SYNE1: variants seen among roughly 807,000 people sequenced by gnomAD.
SYNE1 encodes nesprin-1.
SYNE1 carries 616 observed loss-of-function variants against 1,111.0 expected under a neutral mutation model. That is an observed-to-expected ratio of 0.55 (90% CI 0.52 to 0.59). The LOEUF is 0.59. Ranked by LOEUF, SYNE1 falls within the 20% of genes least tolerant of loss-of-function variation. The pLI is 0.00. For synonymous variants in SYNE1, 3,855 were observed against 3,825.8 expected (o/e 1.01, Z -0.28); for missense variants, 10,006 against 10,417.0 (o/e 0.96, Z 1.72).
chr6:152,274,266 T>C (rs572042290), intron 98 of SYNE1, among the ~76,000 whole-genome samples: 7 of 152,352 alleles, frequency 4.6e-5, no homozygotes, highest in Admixed American at 4.6e-4. Flanking sequence ...TGAAAAGTTA[T>C]ATTTTTTATT....
At position 152,367,273 on chromosome 6, in the gene SYNE1, T is replaced by C. The variant is rs1297505166; in HGVS notation, c.9917A>G (p.Tyr3306Cys). Residue 3306 changes from tyrosine (Y) to cysteine (C), a missense_variant, in exon 62 of 146, where the codon TAC becomes TGC. By Grantham distance (194) the Tyr-to-Cys change is radical. Coordinates refer to ENST00000367255, the MANE Select transcript of SYNE1 (RefSeq NM_182961.4). ...ACTTTTGTCGGATGTCGGGTGGCAGTATGAATCCAGCATGTGAATCGCATC... is the reference window on the plus strand; with the variant it reads ...ACTTTTGTCGGATGTCGGGTGGCAGCATGAATCCAGCATGTGAATCGCATC... ...MTDAIHMLDS[Y>C]CHPTSDKSVL... The C allele has an allele frequency of 2.5e-6, 4 of 1,614,132 alleles. No homozygotes were observed. In the African/African-American group the frequency reaches 4.0e-5, roughly 16 times the overall value.
intron 64 of SYNE1, among the ~76,000 whole-genome samples, chr6:152,360,667 C>T (rs1181268606): frequency 6.6e-6 from 1 of 152,174 alleles, no homozygotes; most frequent in Non-Finnish European, 1.5e-5. Flanking sequence ...ACAGTCCCTA[C>T]ATGTAGCAAT....
At chr6:152,139,707 A>AAAG (rs1554400375) in intron 140 of SYNE1, among the ~76,000 whole-genome samples, 1 of 74,140 alleles carries the variant, frequency 1.3e-5, no homozygotes, top group Non-Finnish European at 2.5e-5. Flanking sequence ...AGAGAAAAAG[A>AAAG]AAAGAAAGAA....
At chr6:152,249,030 T>C in intron 105 of SYNE1, 131 bp downstream of exon 105, 1 of 712,256 alleles carries the variant, frequency 1.4e-6, no homozygotes, top group South Asian at 1.5e-5. Flanking sequence ...AACCCAGTAC[T>C]CAAAAACAAA....
intron 24 of SYNE1, 59 bp from the exon 25 acceptor site, chr6:152,453,779 C>A (rs2098671300): frequency 6.2e-7 from 1 of 1,609,812 alleles, no homozygotes; most frequent in African/African-American, 1.3e-5. Context: ...CAGCACCAGG[C>A]ACAATCAGCC....
In SYNE1 at chr6:152,334,012, C is replaced by T. The variant is rs745331052; in HGVS notation, c.12790G>A (p.Ala4264Thr). ...CCATGGGAGAATTTCTGTTACCTGGCCAAGTTATCCCATTCTGTAGTAAAT... is the reference window on the plus strand; with the variant it reads ...CCATGGGAGAATTTCTGTTACCTGGTCAAGTTATCCCATTCTGTAGTAAAT... ...EKFTTEWDNL[A>T]RSDAESTAVH... is the part of the protein sequence containing the mutation. Residue 4264 changes from alanine to threonine, a missense_variant, in exon 77 of 146, where the codon GCC becomes ACC. Ala to Thr is a moderately conservative substitution (Grantham distance 58). Transcript: ENST00000367255. 3.1e-6 allele frequency: 5 copies of T among 1,613,994 alleles called. No homozygotes were observed. Among genetic ancestry groups the T allele is most frequent in the East Asian group, 2.2e-5 (1 of 44,886 alleles).
At chr6:152,346,910 T>C in intron 73 of SYNE1, 149 bp downstream of exon 73, 1 of 867,414 alleles carries the variant, frequency 1.2e-6, no homozygotes, top group East Asian at 2.7e-5. Context: ...ACATAGCAAC[T>C]GTGAAATTTA....
chr6:152,348,916 A>G (rs947081460), intron 72 of SYNE1, among the ~76,000 whole-genome samples: 3 of 152,278 alleles, frequency 2.0e-5, no homozygotes, highest in African/African-American at 7.2e-5. Flanking sequence ...AGTTGAAAAG[A>G]ACCACTCTGT....
At chr6:152,401,433 A>G in intron 46 of SYNE1, 92 bp from the exon 47 acceptor site, 1 of 1,269,830 alleles carries the variant, frequency 7.9e-7, no homozygotes, top group Non-Finnish European at 1.1e-6. Flanking sequence ...TTAATTGTCA[A>G]AGCCACACAA....
intron 6 of SYNE1, among the ~76,000 whole-genome samples, chr6:152,515,946 C>T (rs2099109421): frequency 6.6e-6 from 1 of 151,992 alleles, no homozygotes; most frequent in Non-Finnish European, 1.5e-5. Flanking sequence ...TTCATTATTC[C>T]CTAAGTCAAA....
At chr6:152,384,115 T>C (rs1260729285) in intron 55 of SYNE1, among the ~76,000 whole-genome samples, 1 of 152,218 alleles carries the variant, frequency 6.6e-6, no homozygotes, top group Non-Finnish European at 1.5e-5. Context: ...AAAACAACTT[T>C]ATCAGACAGG....
chr6:152,479,586 G>A (rs1421712229), intron 14 of SYNE1, among the ~76,000 whole-genome samples: 2 of 151,980 alleles, frequency 1.3e-5, no homozygotes, highest in Admixed American at 1.3e-4. Context: ...TTCCTCATCA[G>A]CAAAAAAGGA....
intron 4 of SYNE1, among the ~76,000 whole-genome samples, chr6:152,534,857 C>G (rs1299559925): frequency 6.6e-6 from 1 of 152,188 alleles, no homozygotes; most frequent in Non-Finnish European, 1.5e-5. Context: ...CATTTAAATT[C>G]ATGATTAGCA....
chr6:152,136,082 T>C (rs2057007991), intron 141 of SYNE1, among the ~76,000 whole-genome samples: 1 of 152,244 alleles, frequency 6.6e-6, no homozygotes, highest in Non-Finnish European at 1.5e-5. Context: ...GTGGCTTTTC[T>C]CAGTTACTTT....
intron 100 of SYNE1, 120 bp from the exon 101 acceptor site, chr6:152,262,308 C>T (rs1275194631): frequency 2.2e-6 from 2 of 910,794 alleles, no homozygotes; most frequent in South Asian, 2.9e-5. Context: ...TAGTTATTAG[C>T]TTACACTTTA....
intron 3 of SYNE1, among the ~76,000 whole-genome samples, chr6:152,568,384 C>A (rs201888656): frequency 7.0e-6 from 1 of 142,948 alleles, no homozygotes; most frequent in African/African-American, 2.6e-5. Context: ...CTCACTGCAA[C>A]CTCTACCTCC....
Position 152,368,302 on chromosome 6 carries a change from T to TC in SYNE1, c.9807+669dup, listed in dbSNP as rs2097117496. 3 of 153,018 alleles carry TC rather than the reference T, an allele frequency of 2.0e-5. No homozygotes were observed. In the South Asian group the frequency reaches 6.2e-4, roughly 32 times the overall value. 9.5% of individuals were successfully genotyped at this position (153,018 alleles called of 1,614,324 possible). Reference sequence around the variant, plus strand: ...TCTGCAACACACAGTTCAAAATGGGTCTACGTTACCATCTACGTCAAAATG... The same window carrying TC: ...TCTGCAACACACAGTTCAAAATGGGTCCTACGTTACCATCTACGTCAAAATG... On this transcript the variant is annotated intron_variant, in intron 61 of 145. Coordinates refer to ENST00000367255, the MANE Select transcript of SYNE1 (RefSeq NM_182961.4).
chr6:152,606,401 A>C (rs1043491381), intron 3 of SYNE1, among the ~76,000 whole-genome samples: 1 of 152,162 alleles, frequency 6.6e-6, no homozygotes, highest in Non-Finnish European at 1.5e-5. Flanking sequence ...TGTGGTTACA[A>C]CTTGATCGTA....
chr6:152,449,506 T>C, intron 28 of SYNE1, 27 bp downstream of exon 28: 1 of 1,536,446 alleles, frequency 6.5e-7, no homozygotes, highest in Non-Finnish European at 9.0e-7. Context: ...GAAATTTTCC[T>C]CTAGCAAATA....
Sources: gnomAD v4.1 joint callset for allele counts (sites outside exome capture counted in the v4.1 genomes callset) on GRCh38, gnomAD v4.1.1 for gene constraint, MANE v1.5 for transcripts, NCBI Gene and HGNC (gene_info 2026-07-23, HGNC 2026-07-21) for gene names.